The following CEP57L1 variants were observed in gnomAD, a reference collection of about 807,000 sequenced individuals.
CEP57L1 encodes centrosomal protein CEP57L1.
Under a neutral mutation model 61.0 loss-of-function variants are expected in CEP57L1, and 37 were observed. The observed-to-expected ratio is 0.61, with a 90% CI of 0.47 to 0.80. The LOEUF (loss-of-function observed/expected upper bound fraction) is 0.80, where lower values mean the gene tolerates loss of function less well. CEP57L1 is among the 30% of genes least tolerant of loss of function. CEP57L1 has a pLI of 0.00. For synonymous variants in CEP57L1, 137 were observed against 162.3 expected (o/e 0.84, Z 1.19); for missense variants, 422 against 524.7 (o/e 0.80, Z 1.91).
Position 109,171,242 on chromosome 6 carries a change from A to ATTTTTTTTTT in CEP57L1, c.*8276_*8285dup, listed in dbSNP as rs751539209. Reference sequence around the variant, plus strand: ...AAATAATGCCACAAAGTAGAGTTTGATTTTTTTTTTTTTGAGACGGAGTTT... The same window carrying ATTTTTTTTTT: ...AAATAATGCCACAAAGTAGAGTTTGATTTTTTTTTTTTTTTTTTTTTTTGAGACGGAGTTT... On this transcript the variant is annotated 3_prime_UTR_variant, in exon 11 of 11. Coordinates refer to ENST00000517392, the MANE Select transcript of CEP57L1 (RefSeq NM_001271852.3). Among the ~76,000 whole-genome samples the ATTTTTTTTTT allele has an allele frequency of 7.0e-6, 1 of 143,464 alleles. No homozygotes were observed. The highest frequency in any genetic ancestry group is 1.5e-5 in the Non-Finnish European group (1 of 65,460). 94.1% of individuals were successfully genotyped at this position (143,464 alleles called of 152,430 possible). A position where few individuals can be genotyped will look rare whatever the true frequency, so the allele number is the denominator to read the frequency against.
upstream of CEP57L1, chr6:109,095,433 T>C: frequency 1.0e-6 from 1 of 985,874 alleles, no homozygotes; most frequent in Non-Finnish European, 1.2e-6. Context: ...CGCGTTGACT[T>C]GTGGGGAATG....
chr6:109,153,457 G>A (rs192910954), intron 4 of CEP57L1, among the ~76,000 whole-genome samples: 1 of 151,484 alleles, frequency 6.6e-6, no homozygotes, highest in East Asian at 1.9e-4. Flanking sequence ...TGTTGCCCAG[G>A]CTGGCCTCAA....
At chr6:109,097,425 T>C (rs377124136) in intron 1 of CEP57L1, among the ~76,000 whole-genome samples, 1 of 152,226 alleles carries the variant, frequency 6.6e-6, no homozygotes. Context: ...AACTCCTTTA[T>C]AAAGCCTGAC....
chr6:109,139,272 C>A (rs1771081561), intron 1 of CEP57L1, among the ~76,000 whole-genome samples: 1 of 152,062 alleles, frequency 6.6e-6, no homozygotes, highest in Non-Finnish European at 1.5e-5. Context: ...GAACGGAGCA[C>A]AATTTAAAAC....
At position 109,127,874 on chromosome 6, in the gene CEP57L1, C is replaced by T. The variant is rs370151015; in HGVS notation, c.-3-17345C>T. ...CAATCTGCTGACCTCGTGATCCGCC[C>T]GCCTCGGCCTCCCAAAGTGCTGGGA... On this transcript the variant is annotated intron_variant, in intron 1 of 10. Transcript: ENST00000517392. Among the ~76,000 whole-genome samples, 15 of 151,988 alleles carry T rather than the reference C, an allele frequency of 9.9e-5. No homozygotes were observed. The East Asian group carries it at 2.1e-3, about 22-fold the overall frequency.
intron 1 of CEP57L1, chr6:109,106,123 A>T (rs1375964131): frequency 6.6e-6 from 1 of 152,208 alleles, no homozygotes; most frequent in Admixed American, 6.5e-5. Flanking sequence ...TATGTATCAC[A>T]ATGTAATAAT....
chr6:109,137,284 A>G (rs187100558), intron 1 of CEP57L1, among the ~76,000 whole-genome samples: 4 of 151,796 alleles, frequency 2.6e-5, no homozygotes, highest in Non-Finnish European at 5.9e-5. Context: ...TAGTTATATC[A>G]TGACTTTCAA....
At chr6:109,134,738 C>T (rs1464525993) in intron 1 of CEP57L1, among the ~76,000 whole-genome samples, 1 of 152,022 alleles carries the variant, frequency 6.6e-6, no homozygotes, top group African/African-American at 2.4e-5. Context: ...AATCAATGTG[C>T]AAAAATCACA....
chr6:109,136,706 TTTTATTTTA>T (rs1770753754), intron 1 of CEP57L1, among the ~76,000 whole-genome samples: 1 of 80,818 alleles, frequency 1.2e-5, no homozygotes, highest in African/African-American at 5.4e-5. Context: ...TGTATTTTTA[TTTTATTTTA>T]TTTTATTTTA....
chr6:109,136,561 T>TAAAA (rs373000667), intron 1 of CEP57L1, among the ~76,000 whole-genome samples: 1 of 138,170 alleles, frequency 7.2e-6, no homozygotes, highest in African/African-American at 2.7e-5. Flanking sequence ...ACTATAAGTA[T>TAAAA]AAAAAAAAAA....
chr6:109,126,498 T>C (rs1408440391), intron 1 of CEP57L1, among the ~76,000 whole-genome samples: 3 of 152,176 alleles, frequency 2.0e-5, no homozygotes, highest in Admixed American at 1.3e-4. Context: ...CTTTGTCCTT[T>C]TAAAAAATAG....
At chr6:109,133,494 A>G (rs1774435355) in intron 1 of CEP57L1, among the ~76,000 whole-genome samples, 1 of 152,170 alleles carries the variant, frequency 6.6e-6, no homozygotes, top group Non-Finnish European at 1.5e-5. Flanking sequence ...AATGGATACT[A>G]TTCCACAGAC....
intron 1 of CEP57L1, among the ~76,000 whole-genome samples, chr6:109,135,890 G>T (rs1770608715): frequency 6.6e-6 from 1 of 152,138 alleles, no homozygotes; most frequent in South Asian, 2.1e-4. Flanking sequence ...AGTTAGAATG[G>T]CAATCATTAA....
In CEP57L1 at chr6:109,167,742, G is replaced by T. The variant is rs1264534960; in HGVS notation, c.*4772G>T. ...CCCAGTATTGTTTGTTTGGGGAGGG[G>T]CAGGGTGTGGTTCCACCAACTGTGG... On this transcript the variant is annotated 3_prime_UTR_variant, in exon 11 of 11. Coordinates refer to ENST00000517392, the MANE Select transcript of CEP57L1 (RefSeq NM_001271852.3). Among the ~76,000 whole-genome samples the T allele has an allele frequency of 6.6e-6, 1 of 152,152 alleles. No homozygotes were observed.
At chr6:109,133,704 A>G (rs548573188) in intron 1 of CEP57L1, among the ~76,000 whole-genome samples, 1 of 152,148 alleles carries the variant, frequency 6.6e-6, no homozygotes, top group African/African-American at 2.4e-5. Context: ...AATCAAATAG[A>G]CACAATAAAA....
At position 109,124,504 on chromosome 6, in the gene CEP57L1, C is replaced by A. The variant is rs140890678; in HGVS notation, c.-3-20715C>A. 1.1e-4 allele frequency among the ~76,000 whole-genome samples: 16 copies of A among 152,200 alleles called. No homozygotes were observed. The East Asian group carries it at 3.1e-3, about 29-fold the overall frequency. On this transcript the variant is annotated intron_variant, in intron 1 of 10. Transcript: ENST00000517392. ...ACTTTGCCACTTAACTAGGTATGGA[C>A]CTTGGATGAAACAGTTTTTTCTGTG...
chr6:109,112,665 C>G (rs1771801725), intron 1 of CEP57L1, among the ~76,000 whole-genome samples: 1 of 151,994 alleles, frequency 6.6e-6, no homozygotes, highest in Non-Finnish European at 1.5e-5. Context: ...TACATTTCCC[C>G]CTACACATTC....
intron 7 of CEP57L1, chr6:109,158,306 G>A (rs894799496): frequency 1.5e-5 from 3 of 195,972 alleles, no homozygotes; most frequent in Non-Finnish European, 3.1e-5. Context: ...TGGCCAATAT[G>A]GTGAAACCCC....
rs751539209 is a variant in CEP57L1, at chr6:109,171,242, A to ATTTTTTT, written c.*8279_*8285dup. Among the ~76,000 whole-genome samples, 12,640 of 143,194 alleles carry ATTTTTTT rather than the reference A, an allele frequency of 0.088. 632 individuals carry two copies. The highest frequency in any genetic ancestry group is 0.17 in the South Asian group (782 of 4,534). The allele number at this position is 143,194 out of a possible 152,430, so 93.9% of individuals were successfully genotyped here. On this transcript the variant is annotated 3_prime_UTR_variant, in exon 11 of 11. Coordinates refer to ENST00000517392, the MANE Select transcript of CEP57L1 (RefSeq NM_001271852.3). ...AAATAATGCCACAAAGTAGAGTTTG[A>ATTTTTTT]TTTTTTTTTTTTTGAGACGGAGTTT...
Sources: gnomAD v4.1 joint callset for allele counts (sites outside exome capture counted in the v4.1 genomes callset) on GRCh38, gnomAD v4.1.1 for gene constraint, MANE v1.5 for transcripts, NCBI Gene and HGNC (gene_info 2026-07-23, HGNC 2026-07-21) for gene names.